The following STARD13 variants were observed in gnomAD, a reference collection of about 807,000 sequenced individuals.
STARD13 encodes the protein StAR related lipid transfer domain containing 13, also known as stAR-related lipid transfer protein 13.
In STARD13, 62 loss-of-function variants were observed where a neutral mutation model predicts 106.4. The observed-to-expected ratio is 0.58, with a 90% CI of 0.48 to 0.72. STARD13 has a LOEUF of 0.72. Among genes scored for constraint, STARD13 ranks in the 30% least tolerant of loss-of-function variants. The pLI, the probability that STARD13 is intolerant of heterozygous loss-of-function variation, is 0.00. For missense variants in STARD13, 1,387 were observed against 1,424.0 expected, an observed-to-expected ratio of 0.97 and a Z score of 0.42; for synonymous variants, 565 against 553.0, an observed-to-expected ratio of 1.02 and a Z score of -0.31.
chr13:33,441,220 C>T, the STARD13 span, among the ~76,000 whole-genome samples: 1 of 152,270 alleles, frequency 6.6e-6, no homozygotes, highest in South Asian at 2.1e-4. Flanking sequence ...TCCCTGCTGC[C>T]ACCTCCTGGG....
intron 1 of STARD13, among the ~76,000 whole-genome samples, chr13:33,214,528 A>G (rs1488573429): frequency 6.6e-6 from 1 of 152,198 alleles, no homozygotes; most frequent in Non-Finnish European, 1.5e-5. Flanking sequence ...GCTCCCAGTA[A>G]TCCAAATGCA....
At chr13:33,512,829 C>T in the STARD13 span, among the ~76,000 whole-genome samples, 1 of 152,082 alleles carries the variant, frequency 6.6e-6, no homozygotes, top group Non-Finnish European at 1.5e-5. Context: ...TGCCAGCAAA[C>T]CACTAGAAGA....
chr13:33,476,556 T>C, the STARD13 span, among the ~76,000 whole-genome samples: 1 of 152,242 alleles, frequency 6.6e-6, no homozygotes, highest in East Asian at 1.9e-4. Flanking sequence ...ATTACCATTT[T>C]TGTAATGAAG....
At chr13:33,628,314 T>C in the STARD13 span, among the ~76,000 whole-genome samples, 1 of 152,164 alleles carries the variant, frequency 6.6e-6, no homozygotes, top group African/African-American at 2.4e-5. Context: ...AATTTATTCA[T>C]TAGTATTAAT....
chr13:33,595,136 C>A, the STARD13 span, among the ~76,000 whole-genome samples: 2 of 152,174 alleles, frequency 1.3e-5, no homozygotes, highest in Non-Finnish European at 2.9e-5. Context: ...TTTACCATTT[C>A]CACTTCTTCA....
chr13:33,503,563 G>A, the STARD13 span, among the ~76,000 whole-genome samples: 743 of 152,316 alleles, frequency 4.9e-3, 3 homozygotes, highest in Non-Finnish European at 9.1e-3. Flanking sequence ...ATATGTGCCA[G>A]AGATTCTGGT....
intron 1 of STARD13, among the ~76,000 whole-genome samples, chr13:33,220,370 A>G (rs1046954860): frequency 2.8e-4 from 43 of 152,196 alleles, no homozygotes; most frequent in Non-Finnish European, 5.6e-4. Context: ...AATATTAGCT[A>G]TAAGGGTGAA....
chr13:33,178,769 T>A (rs895693758), intron 1 of STARD13, among the ~76,000 whole-genome samples: 1 of 152,246 alleles, frequency 6.6e-6, no homozygotes, highest in East Asian at 1.9e-4. Context: ...TATTTTACTT[T>A]ATGTAATAAC....
At chr13:33,556,802 G>C in the STARD13 span, among the ~76,000 whole-genome samples, 35 of 151,302 alleles carry the variant, frequency 2.3e-4, no homozygotes, top group Admixed American at 8.5e-4. Context: ...GGGTCTCACT[G>C]TGTCTTCCAG....
At chr13:33,619,439 G>A in the STARD13 span, among the ~76,000 whole-genome samples, 1 of 152,160 alleles carries the variant, frequency 6.6e-6, no homozygotes, top group African/African-American at 2.4e-5. Flanking sequence ...CCCCATGTTT[G>A]TCCTAGCTTC....
intron 1 of STARD13, among the ~76,000 whole-genome samples, chr13:33,319,034 A>G (rs1006213230): frequency 1.8e-5 from 2 of 112,206 alleles, no homozygotes; most frequent in African/African-American, 6.8e-5. Flanking sequence ...TGACCAAGCA[A>G]TTCCACTCAT....
the STARD13 span, among the ~76,000 whole-genome samples, chr13:33,538,522 C>G: frequency 6.6e-6 from 1 of 152,168 alleles, no homozygotes; most frequent in African/African-American, 2.4e-5. Flanking sequence ...TTGAAATAAT[C>G]TCACTTCCAT....
the STARD13 span, among the ~76,000 whole-genome samples, chr13:33,664,841 T>C: frequency 6.6e-6 from 1 of 152,190 alleles, no homozygotes; most frequent in Admixed American, 6.5e-5. Flanking sequence ...TTAGCCACTA[T>C]GGTCTCGATC....
At chr13:33,318,703 A>G (rs1376732638) in intron 1 of STARD13, among the ~76,000 whole-genome samples, 1 of 152,078 alleles carries the variant, frequency 6.6e-6, no homozygotes, top group African/African-American at 2.4e-5. Flanking sequence ...AATAAAAAGA[A>G]CTCTTAAAAA....
the STARD13 span, among the ~76,000 whole-genome samples, chr13:33,570,748 A>G: frequency 1.6e-4 from 25 of 152,308 alleles, no homozygotes; most frequent in East Asian, 4.6e-3. Flanking sequence ...GTGCAGAAGC[A>G]TCACTGTCTC....
the STARD13 span, among the ~76,000 whole-genome samples, chr13:33,376,260 A>C: frequency 1.3e-5 from 2 of 152,276 alleles, no homozygotes; most frequent in Middle Eastern, 6.8e-3. Context: ...GTATTTTGCA[A>C]ATGTCAATTA....
chr13:33,648,943 T>A, the STARD13 span, among the ~76,000 whole-genome samples: 4 of 151,622 alleles, frequency 2.6e-5, no homozygotes, highest in Non-Finnish European at 5.9e-5. Context: ...CAGGCATGCA[T>A]CACCATGCCC....
rs1353010717 is a variant in STARD13, at chr13:33,271,791, CCAGG to C, written c.169+13675_169+13678del. The stretch of plus-strand genomic sequence containing the variant: ...GGGTTGGTGAGGAAGGGAGAACCAA[CCAGG>C]TCTATAATGATGGGAAAAAAAAAGC... On this transcript the variant is annotated intron_variant, in intron 1 of 13. Coordinates refer to ENST00000336934, the MANE Select transcript of STARD13 (RefSeq NM_178006.4). Among the ~76,000 whole-genome samples, 6 of 151,608 alleles carry C rather than the reference CCAGG, an allele frequency of 4.0e-5. No homozygotes were observed. In the East Asian group the frequency reaches 1.2e-3, roughly 29 times the overall value.
the STARD13 span, among the ~76,000 whole-genome samples, chr13:33,409,766 T>A: frequency 6.6e-6 from 1 of 152,220 alleles, no homozygotes; most frequent in Admixed American, 6.5e-5. Context: ...TTTCAGAACA[T>A]GACAGGTCAG....
Sources: allele counts gnomAD v4.1 joint callset (sites outside exome capture counted in the v4.1 genomes callset), GRCh38; gene constraint gnomAD v4.1.1; transcripts MANE v1.5; gene names NCBI Gene and HGNC (gene_info 2026-07-23, HGNC 2026-07-21).